The following MYO1D variants were observed in gnomAD, a reference collection of about 807,000 sequenced individuals.
MYO1D encodes the protein myosin ID.
In MYO1D, 83 loss-of-function variants were observed where a neutral mutation model predicts 122.0. The observed-to-expected ratio is 0.68, with a 90% CI of 0.57 to 0.82. The LOEUF (loss-of-function observed/expected upper bound fraction) is 0.82, where lower values mean the gene tolerates loss of function less well. MYO1D is among the 40% of genes least tolerant of loss of function. The probability of loss-of-function intolerance (pLI) is 0.00; values close to 1 mark genes in which losing one functional copy is unlikely to be tolerated. For synonymous variants in MYO1D, 464 were observed against 446.9 expected (o/e 1.04, Z -0.48); for missense variants, 1,157 against 1,269.5 (o/e 0.91, Z 1.35).
chr17:32,725,001 A>G (rs560041343), intron 14 of MYO1D, among the ~76,000 whole-genome samples: 15 of 152,356 alleles, frequency 9.8e-5, no homozygotes, highest in African/African-American at 3.4e-4. Context: ...GCAAAACAAA[A>G]TAAAAAAATA....
chr17:32,865,994 TGGCTCTCTAGG>T (rs914643691), intron 1 of MYO1D, among the ~76,000 whole-genome samples: 8 of 152,386 alleles, frequency 5.2e-5, no homozygotes, highest in African/African-American at 1.7e-4. Context: ...AGTCATAGTC[TGGCTCTCTAGG>T]GTCTCTCTTT....
intron 21 of MYO1D, among the ~76,000 whole-genome samples, chr17:32,495,363 G>A (rs1186667029): frequency 6.6e-6 from 1 of 152,220 alleles, no homozygotes; most frequent in Non-Finnish European, 1.5e-5. Flanking sequence ...GTCACACCCC[G>A]GCTGGTGGAA....
At chr17:32,589,316 G>A (rs1049637147) in intron 21 of MYO1D, among the ~76,000 whole-genome samples, 22 of 152,246 alleles carry the variant, frequency 1.4e-4, no homozygotes, top group African/African-American at 5.1e-4. Context: ...CTCACCTTTG[G>A]GAACGTGTTG....
chr17:32,507,277 G>A (rs1238962298), intron 21 of MYO1D, among the ~76,000 whole-genome samples: 1 of 151,960 alleles, frequency 6.6e-6, no homozygotes, highest in Non-Finnish European at 1.5e-5. Flanking sequence ...GGTGGCAGAC[G>A]CCTATAGTTC....
At chr17:32,649,505 G>A (rs181918553) in intron 19 of MYO1D, among the ~76,000 whole-genome samples, 2 of 151,470 alleles carry the variant, frequency 1.3e-5, no homozygotes, top group African/African-American at 4.9e-5. Context: ...CGTTCACCTT[G>A]GTTGTAGCAT....
intron 18 of MYO1D, among the ~76,000 whole-genome samples, chr17:32,654,149 G>C (rs921393997): frequency 6.6e-6 from 1 of 152,198 alleles, no homozygotes; most frequent in Non-Finnish European, 1.5e-5. Flanking sequence ...GAATGGGAGA[G>C]AGGATAAAGT....
intron 21 of MYO1D, among the ~76,000 whole-genome samples, chr17:32,536,523 G>C (rs111597299): frequency 6.6e-6 from 1 of 152,128 alleles, no homozygotes; most frequent in Non-Finnish European, 1.5e-5. Flanking sequence ...ATATTAAAAC[G>C]AATCATAAAT....
chr17:32,624,786 CTT>C (rs11332360), intron 20 of MYO1D, among the ~76,000 whole-genome samples: 3 of 140,228 alleles, frequency 2.1e-5, no homozygotes, highest in African/African-American at 8.2e-5. Context: ...TTTTTTGTAT[CTT>C]TTTTTTTTTT....
chr17:32,851,278 T>G (rs1001566805), intron 1 of MYO1D, among the ~76,000 whole-genome samples: 1 of 152,166 alleles, frequency 6.6e-6, no homozygotes, highest in African/African-American at 2.4e-5. Flanking sequence ...TTTACCTACA[T>G]CCACCCTAAT....
intron 20 of MYO1D, among the ~76,000 whole-genome samples, chr17:32,628,631 A>T (rs1443333712): frequency 6.6e-6 from 1 of 152,232 alleles, no homozygotes; most frequent in African/African-American, 2.4e-5. Flanking sequence ...TCTCATAAAG[A>T]TTAATTGATA....
At position 32,721,110 on chromosome 17, in the gene MYO1D, T is replaced by C; in HGVS notation, c.1826A>G (p.Gln609Arg). 6.2e-7 allele frequency: 1 copy of C among 1,614,158 alleles called. No homozygotes were observed. The highest frequency in any genetic ancestry group is 1.3e-5 in the African/African-American group (1 of 75,064). ...QIFDDERCRH[Q>R]VEYLGLLENV... is the part of the protein sequence containing the mutation. ...TTCCAGTAGTCCAAGATATTCTACT[T>C]GGTGCCGGCAGCGTTCATCATCAAA... Residue 609 changes from glutamine (Q) to arginine (R), a missense_variant, in exon 15 of 22, where the codon CAA becomes CGA. By Grantham distance (43) the Gln-to-Arg change is conservative. Coordinates refer to ENST00000318217, the MANE Select transcript of MYO1D (RefSeq NM_015194.3).
intron 14 of MYO1D, among the ~76,000 whole-genome samples, chr17:32,725,976 T>C (rs2089567640): frequency 6.6e-6 from 1 of 152,228 alleles, no homozygotes; most frequent in African/African-American, 2.4e-5. Context: ...ACTGCTAACG[T>C]AGAATTTTAC....
intron 19 of MYO1D, among the ~76,000 whole-genome samples, chr17:32,639,712 C>G (rs1437243666): frequency 6.6e-6 from 1 of 152,016 alleles, no homozygotes; most frequent in African/African-American, 2.4e-5. Context: ...GGATACTAAT[C>G]AACGTACCTA....
At position 32,638,752 on chromosome 17, in the gene MYO1D, G is replaced by A. The variant is rs746239511; in HGVS notation, c.2679C>T (p.Tyr893=). 125 of 1,613,452 alleles carry A rather than the reference G, an allele frequency of 7.7e-5. No individual in the cohort carries two copies. In the Admixed American group the frequency reaches 2.1e-3, roughly 26 times the overall value. ...ATAGAGGGATAGTCTTCATCACCTT[G>A]TACTGTTTAGTGGGATCCATTTTAT... ...HLYKMDPTKQ[Y]KVMKTIPLYN... Residue 893 remains tyrosine, a synonymous_variant, in exon 20 of 22, where the codon TAC becomes TAT. Coordinates refer to ENST00000318217, the MANE Select transcript of MYO1D (RefSeq NM_015194.3).
chr17:32,612,889 C>T (rs2087721287), intron 20 of MYO1D, among the ~76,000 whole-genome samples: 1 of 151,798 alleles, frequency 6.6e-6, no homozygotes, highest in East Asian at 1.9e-4. Flanking sequence ...CCACCCCAGC[C>T]TCCCATGCAG....
At chr17:32,749,396 C>T (rs928931196) in intron 11 of MYO1D, among the ~76,000 whole-genome samples, 2 of 152,104 alleles carry the variant, frequency 1.3e-5, no homozygotes, top group Non-Finnish European at 2.9e-5. Flanking sequence ...AGTTTGGGTC[C>T]CTGAGAGAGA....
intron 20 of MYO1D, among the ~76,000 whole-genome samples, chr17:32,630,614 C>G (rs934553012): frequency 4.6e-5 from 7 of 151,900 alleles, no homozygotes; most frequent in African/African-American, 1.7e-4. Flanking sequence ...GCTCTGTTGC[C>G]CAGGCTGGAG....
intron 21 of MYO1D, among the ~76,000 whole-genome samples, chr17:32,525,271 T>A (rs1185473338): frequency 6.6e-6 from 1 of 152,244 alleles, no homozygotes; most frequent in Non-Finnish European, 1.5e-5. Flanking sequence ...TGGATTTCTG[T>A]GGCTATCTCA....
chr17:32,712,354 G>A (rs545831623), intron 15 of MYO1D, among the ~76,000 whole-genome samples, 159 bp from the exon 16 acceptor site: 4 of 152,334 alleles, frequency 2.6e-5, no homozygotes, highest in African/African-American at 7.2e-5. Context: ...AAAGGCTTCA[G>A]TAAAATAAAA....
Sources: allele counts gnomAD v4.1 joint callset (sites outside exome capture counted in the v4.1 genomes callset), GRCh38; gene constraint gnomAD v4.1.1; transcripts MANE v1.5; gene names NCBI Gene and HGNC (gene_info 2026-07-23, HGNC 2026-07-21).